The following CGNL1 variants were observed in gnomAD, a reference collection of about 807,000 sequenced individuals.
The protein encoded by CGNL1 is cingulin-like protein 1.
A neutral mutation model predicts 141.2 loss-of-function variants in CGNL1; 132 were observed. The observed-to-expected ratio is 0.93, with a 90% CI of 0.81 to 1.08. The LOEUF is 1.08. CGNL1 is among the 50% of genes least tolerant of loss of function. CGNL1 has a pLI of 0.00. For missense variants in CGNL1, 1,870 were observed against 1,588.6 expected (o/e 1.18, Z -3.01); for synonymous variants, 690 against 622.1 (o/e 1.11, Z -1.63).
intron 1 of CGNL1, among the ~76,000 whole-genome samples, chr15:57,391,994 A>G (rs1420848247): frequency 6.8e-6 from 1 of 146,512 alleles, no homozygotes; most frequent in Non-Finnish European, 1.5e-5. Context: ...ACCTGACACC[A>G]TCACAATAAA....
intron 1 of CGNL1, among the ~76,000 whole-genome samples, chr15:57,403,946 G>A (rs976462939): frequency 6.6e-6 from 1 of 152,192 alleles, no homozygotes; most frequent in Non-Finnish European, 1.5e-5. Context: ...TAGAGGAAAG[G>A]GGCCTCCCAT....
At chr15:57,472,254 G>A (rs991747055) in intron 8 of CGNL1, among the ~76,000 whole-genome samples, 6 of 151,882 alleles carry the variant, frequency 4.0e-5, no homozygotes, top group Non-Finnish European at 5.9e-5. Flanking sequence ...TGTGCAAGGG[G>A]GCTTGCAGCA....
chr15:57,498,894 G>A (rs2063981547), intron 8 of CGNL1, among the ~76,000 whole-genome samples: 1 of 151,774 alleles, frequency 6.6e-6, no homozygotes, highest in Admixed American at 6.6e-5. Context: ...TGTGGTGTGA[G>A]ATGGGGCTGG....
intron 1 of CGNL1, among the ~76,000 whole-genome samples, chr15:57,377,539 G>T (rs74016172): frequency 0.016 from 2,375 of 152,272 alleles, 69 homozygotes; most frequent in East Asian, 0.07. Context: ...GATCAGTCCT[G>T]ATCTAGAACT....
At chr15:57,528,251 C>T (rs2031734918) in intron 12 of CGNL1, among the ~76,000 whole-genome samples, 1 of 149,186 alleles carries the variant, frequency 6.7e-6, no homozygotes, top group African/African-American at 2.5e-5. Flanking sequence ...AGCAAGACTC[C>T]ATCTCAAAAA....
intron 8 of CGNL1, among the ~76,000 whole-genome samples, chr15:57,487,383 G>A (rs779827578): frequency 5.9e-5 from 9 of 151,942 alleles, no homozygotes; most frequent in Non-Finnish European, 1.3e-4. Context: ...AGGTAAAAGA[G>A]GAGGATTGGT....
At chr15:57,492,079 C>A (rs187066685) in intron 8 of CGNL1, among the ~76,000 whole-genome samples, 3 of 152,302 alleles carry the variant, frequency 2.0e-5, no homozygotes. Context: ...TATTTCCAGT[C>A]AGAGACTTTA....
intron 8 of CGNL1, among the ~76,000 whole-genome samples, chr15:57,511,364 T>C (rs1478395648): frequency 2.6e-5 from 4 of 152,246 alleles, no homozygotes; most frequent in African/African-American, 9.6e-5. Context: ...ATTGACCTGA[T>C]GTAATTTATT....
At chr15:57,380,383 G>A (rs2062411277) in intron 1 of CGNL1, among the ~76,000 whole-genome samples, 1 of 152,252 alleles carries the variant, frequency 6.6e-6, no homozygotes, top group Middle Eastern at 3.4e-3. Flanking sequence ...CAGAGTTGTT[G>A]GTAAACAGGA....
chr15:57,389,181 C>T (rs1474645036), intron 1 of CGNL1, among the ~76,000 whole-genome samples: 1 of 151,982 alleles, frequency 6.6e-6, no homozygotes, highest in East Asian at 1.9e-4. Flanking sequence ...AATCATGTGC[C>T]TGGGGCATCA....
intron 1 of CGNL1, among the ~76,000 whole-genome samples, chr15:57,383,997 C>G (rs2062455229): frequency 7.5e-6 from 1 of 134,116 alleles, no homozygotes; most frequent in Admixed American, 8.6e-5. Context: ...TGCATTTGGT[C>G]TGGTTGTGGC....
chr15:57,457,688 T>A (rs946098102), intron 7 of CGNL1, among the ~76,000 whole-genome samples: 1 of 151,942 alleles, frequency 6.6e-6, no homozygotes. Context: ...GTGACAGGGG[T>A]TTCCGCTTAT....
chr15:57,536,558 A>G (rs2032270201), intron 14 of CGNL1, among the ~76,000 whole-genome samples: 1 of 152,248 alleles, frequency 6.6e-6, no homozygotes. Context: ...ACCCAAGTAT[A>G]GTCCCATCAT....
At chr15:57,413,193 C>CTCTTTCTG (rs1157230512) in intron 1 of CGNL1, among the ~76,000 whole-genome samples, 2 of 126,958 alleles carry the variant, frequency 1.6e-5, no homozygotes, top group Admixed American at 1.6e-4. Flanking sequence ...TTCTCTCTTT[C>CTCTTTCTG]TCTTTCTCTC....
In CGNL1 at chr15:57,483,551, G is replaced by T. The variant is rs1277234494; in HGVS notation, c.2403+21659G>T. 2.0e-5 allele frequency among the ~76,000 whole-genome samples: 3 copies of T among 149,854 alleles called. No homozygotes were observed. In the Admixed American group the frequency reaches 2.0e-4, roughly 10 times the overall value. ...GACAATCATGTCATCTGCAAACAGGGACAGTTTTATTTCTTGCTTTCTGAT... is the reference window on the plus strand; with the variant it reads ...GACAATCATGTCATCTGCAAACAGGTACAGTTTTATTTCTTGCTTTCTGAT... On this transcript the variant is annotated intron_variant, in intron 8 of 18. Coordinates refer to ENST00000281282, the MANE Select transcript of CGNL1 (RefSeq NM_032866.5).
chr15:57,541,605 T>C (rs1193389363), intron 14 of CGNL1, among the ~76,000 whole-genome samples: 3 of 152,204 alleles, frequency 2.0e-5, no homozygotes, highest in Non-Finnish European at 4.4e-5. Context: ...CCCTTCTCTA[T>C]GCAAGATGCC....
chr15:57,450,397 C>T (rs8034609), intron 4 of CGNL1, among the ~76,000 whole-genome samples: 2 of 152,090 alleles, frequency 1.3e-5, no homozygotes, highest in African/African-American at 2.4e-5. Flanking sequence ...CTGCCTCAGC[C>T]TCCTGAGTAG....
Position 57,532,287 on chromosome 15 carries a change from G to T in CGNL1, c.3291+508G>T, listed in dbSNP as rs567051990. On this transcript the variant is annotated intron_variant, in intron 14 of 18. Coordinates refer to ENST00000281282, the MANE Select transcript of CGNL1 (RefSeq NM_032866.5). ...CTTTGAAACTGCTGCTGAGTGTTCT[G>T]AATCCTCTTCCCAAAATGCTTCCAT... Among the ~76,000 whole-genome samples the T allele has an allele frequency of 2.7e-4, 41 of 152,316 alleles. No homozygotes were observed. In the South Asian group the frequency reaches 8.1e-3, roughly 30 times the overall value.
intron 1 of CGNL1, among the ~76,000 whole-genome samples, chr15:57,390,075 C>G (rs1734171656): frequency 6.6e-6 from 1 of 152,228 alleles, no homozygotes; most frequent in South Asian, 2.1e-4. Context: ...CTTGGCCTTC[C>G]AAAGTGCTGG....
Sources: gnomAD v4.1 joint callset for allele counts (sites outside exome capture counted in the v4.1 genomes callset) on GRCh38, gnomAD v4.1.1 for gene constraint, MANE v1.5 for transcripts, NCBI Gene and HGNC (gene_info 2026-07-23, HGNC 2026-07-21) for gene names.